RALGAPA1: variants seen among roughly 807,000 people sequenced by gnomAD.
RALGAPA1 encodes the protein ral GTPase-activating protein subunit alpha-1.
Under a neutral mutation model 269.6 loss-of-function variants are expected in RALGAPA1, and 52 were observed. The ratio of observed to expected loss-of-function variants is 0.19; its 90% CI spans 0.15 to 0.24. RALGAPA1 has a LOEUF of 0.24. RALGAPA1 is among the 10% of genes least tolerant of loss of function. The probability of loss-of-function intolerance (pLI) is 1.00; values close to 1 mark genes in which losing one functional copy is unlikely to be tolerated. For synonymous variants in RALGAPA1, 817 were observed against 1,008.3 expected (o/e 0.81, Z 3.60); for missense variants, 1,917 against 3,013.9 (o/e 0.64, Z 8.52).
chr14:35,648,479 A>G (rs1295043292), intron 31 of RALGAPA1, among the ~76,000 whole-genome samples: 4 of 141,888 alleles, frequency 2.8e-5, no homozygotes, highest in Non-Finnish European at 6.0e-5. Flanking sequence ...AAAAAAAAAA[A>G]GAAGAAGAAG....
chr14:35,610,439 C>T (rs911430591), intron 35 of RALGAPA1, among the ~76,000 whole-genome samples: 5 of 151,946 alleles, frequency 3.3e-5, no homozygotes, highest in African/African-American at 7.3e-5. Context: ...CCCACCACCA[C>T]GCCCGGCTAA....
chr14:35,653,292 T>C (rs2062964995), intron 30 of RALGAPA1, among the ~76,000 whole-genome samples: 1 of 152,248 alleles, frequency 6.6e-6, no homozygotes, highest in African/African-American at 2.4e-5. Flanking sequence ...AGTAGGTGTT[T>C]AATAAATATT....
chr14:35,662,723 G>C (rs1383008370), intron 27 of RALGAPA1, among the ~76,000 whole-genome samples: 1 of 151,952 alleles, frequency 6.6e-6, no homozygotes, highest in Non-Finnish European at 1.5e-5. Flanking sequence ...CTCATCCTTG[G>C]CCTTCAAAAT....
chr14:35,579,388 T>A (rs1227216266), intron 37 of RALGAPA1, among the ~76,000 whole-genome samples: 1 of 152,096 alleles, frequency 6.6e-6, no homozygotes, highest in Non-Finnish European at 1.5e-5. Flanking sequence ...CCCAGCACTT[T>A]GGGAGGCTGA....
intron 39 of RALGAPA1, among the ~76,000 whole-genome samples, chr14:35,556,537 T>A (rs1307697471): frequency 6.6e-6 from 1 of 152,230 alleles, no homozygotes; most frequent in South Asian, 2.1e-4. Context: ...TAAAAATTCT[T>A]CTGAAAGTCT....
intron 1 of RALGAPA1, among the ~76,000 whole-genome samples, chr14:35,798,037 T>A (rs1214774274): frequency 6.6e-6 from 1 of 151,190 alleles, no homozygotes; most frequent in Non-Finnish European, 1.5e-5. Flanking sequence ...CACATCTGCA[T>A]AATTTTTGTG....
At chr14:35,792,777 C>CAAA (rs573027253) in intron 1 of RALGAPA1, among the ~76,000 whole-genome samples, 1 of 46,118 alleles carries the variant, frequency 2.2e-5, no homozygotes, top group African/African-American at 8.0e-5. Context: ...GACCCTGTCT[C>CAAA]AAAAAAAAAA....
chr14:35,781,580 ATCT>A (rs2075429721), intron 1 of RALGAPA1, among the ~76,000 whole-genome samples: 5 of 358 alleles, frequency 0.014, no homozygotes, highest in African/African-American at 0.13. Context: ...AACTGAATCT[ATCT>A]ATCTATCTAT....
intron 36 of RALGAPA1, among the ~76,000 whole-genome samples, chr14:35,597,890 C>G (rs978044101): frequency 6.6e-6 from 1 of 152,176 alleles, no homozygotes; most frequent in Non-Finnish European, 1.5e-5. Context: ...AGGACATACT[C>G]TATTATTTCA....
At chr14:35,771,669 T>TC (rs1427283439) in intron 3 of RALGAPA1, among the ~76,000 whole-genome samples, 2 of 152,172 alleles carry the variant, frequency 1.3e-5, no homozygotes, top group Admixed American at 6.5e-5. Context: ...TTCTTTTTTT[T>TC]CCCCCTTTAG....
chr14:35,714,828 G>T (rs1298595047), intron 16 of RALGAPA1, among the ~76,000 whole-genome samples: 1 of 151,914 alleles, frequency 6.6e-6, no homozygotes, highest in African/African-American at 2.4e-5. Flanking sequence ...TTTTGTCTTT[G>T]TTTTACCCTC....
chr14:35,732,905 A>G (rs1321448721), intron 12 of RALGAPA1, among the ~76,000 whole-genome samples: 1 of 152,252 alleles, frequency 6.6e-6, no homozygotes, highest in Non-Finnish European at 1.5e-5. Context: ...TGGACTTAAC[A>G]GATATATACA....
rs779987538 is a variant in RALGAPA1, at chr14:35,570,588, T to G, written c.7496+29A>C. 1.9e-6 allele frequency: 3 copies of G among 1,569,070 alleles called. No homozygotes were observed. The East Asian group carries it at 6.8e-5, about 36-fold the overall frequency. Reference sequence around the variant, plus strand: ...CTTTGTGAGTAGACATACGTTAGAGTAGAAACCATTACATTAAAAAAAGGA... The same window carrying G: ...CTTTGTGAGTAGACATACGTTAGAGGAGAAACCATTACATTAAAAAAAGGA... On this transcript the variant is annotated intron_variant, in intron 39 of 41. Coordinates refer to ENST00000680220, the MANE Select transcript of RALGAPA1 (RefSeq NM_001346249.2).
At chr14:35,557,094 A>ATGTGTGTG (rs1489416999) in intron 39 of RALGAPA1, among the ~76,000 whole-genome samples, 3 of 78,948 alleles carry the variant, frequency 3.8e-5, no homozygotes, top group African/African-American at 1.5e-4. Context: ...ATTATCCAAT[A>ATGTGTGTG]TGTATGTGTG....
intron 39 of RALGAPA1, among the ~76,000 whole-genome samples, chr14:35,553,508 G>C (rs2055225202): frequency 6.6e-6 from 1 of 152,076 alleles, no homozygotes; most frequent in Non-Finnish European, 1.5e-5. Context: ...TATTAATCTG[G>C]TAATTGTGAA....
Position 35,563,020 on chromosome 14 carries a change from C to CAAAAAA in RALGAPA1, c.7496+7591_7496+7596dup, listed in dbSNP as rs71445944. On this transcript the variant is annotated intron_variant, in intron 39 of 41. Transcript: ENST00000680220. The stretch of plus-strand genomic sequence containing the variant: ...TGGGCAACAGAGCGAGAGTCCGTCT[C>CAAAAAA]AAAAAAAAAAAAAAAAAAAAAAAAA... Among the ~76,000 whole-genome samples the CAAAAAA allele has an allele frequency of 9.9e-3, 368 of 37,262 alleles. 39 individuals are homozygous for CAAAAAA. Among genetic ancestry groups the CAAAAAA allele is most frequent in the East Asian group, 0.046 (27 of 586 alleles). 24.4% of individuals were successfully genotyped at this position (37,262 alleles called of 152,430 possible).
intron 1 of RALGAPA1, among the ~76,000 whole-genome samples, chr14:35,794,818 T>G (rs1347336565): frequency 6.6e-6 from 1 of 152,218 alleles, no homozygotes; most frequent in Non-Finnish European, 1.5e-5. Context: ...TGTATTGCCA[T>G]TTATACCTAC....
intron 22 of RALGAPA1, 51 bp from the exon 23 acceptor site, chr14:35,674,760 A>G: frequency 1.2e-6 from 1 of 864,266 alleles, no homozygotes; most frequent in East Asian, 2.8e-5. Context: ...ACTGAACATA[A>G]AACCCCCCAA....
chr14:35,663,052 G>A (rs955563382), intron 27 of RALGAPA1, among the ~76,000 whole-genome samples: 1 of 151,926 alleles, frequency 6.6e-6, no homozygotes, highest in African/African-American at 2.4e-5. Flanking sequence ...CCACAGGTGT[G>A]TGCAACCATG....
Sources: allele counts gnomAD v4.1 joint callset (sites outside exome capture counted in the v4.1 genomes callset), GRCh38; gene constraint gnomAD v4.1.1; transcripts MANE v1.5; gene names NCBI Gene and HGNC (gene_info 2026-07-23, HGNC 2026-07-21).